The following PARP8 variants were observed in gnomAD, a reference collection of about 807,000 sequenced individuals.
PARP8 encodes poly(ADP-ribose) polymerase family member 8, also known as protein mono-ADP-ribosyltransferase PARP8.
Under a neutral mutation model 124.1 loss-of-function variants are expected in PARP8, and 51 were observed. The ratio of observed to expected loss-of-function variants is 0.41; its 90% CI spans 0.33 to 0.52. The LOEUF (loss-of-function observed/expected upper bound fraction) is 0.52, where lower values mean the gene tolerates loss of function less well. Ranked by LOEUF, PARP8 falls within the 20% of genes least tolerant of loss-of-function variation. The pLI is 0.21. For synonymous variants in PARP8, 391 were observed against 361.5 expected (o/e 1.08, Z -0.93); for missense variants, 860 against 1,018.9 (o/e 0.84, Z 2.12).
chr5:50,768,791 G>C (rs906037187), intron 7 of PARP8, among the ~76,000 whole-genome samples: 100 of 152,220 alleles, frequency 6.6e-4, no homozygotes, highest in African/African-American at 2.3e-3. Context: ...CTGGGTCGCT[G>C]CATCTGGACA....
intron 2 of PARP8, among the ~76,000 whole-genome samples, chr5:50,683,460 A>C (rs1483685397): frequency 1.3e-5 from 2 of 152,208 alleles, no homozygotes; most frequent in African/African-American, 4.8e-5. Context: ...TGAATTGGGA[A>C]TACAAAGATG....
rs1209802850 is a variant in PARP8 at position 50,844,123 on chromosome 5, T to C, written c.*2055T>C. On this transcript the variant is annotated 3_prime_UTR_variant, in exon 26 of 26. Transcript: ENST00000281631. Reference sequence around the variant, plus strand: ...CTCAAGAAAGACCGTTTAAGGAAAATTGGCATAATACAAACTGTTCCTGTT... The same window carrying C: ...CTCAAGAAAGACCGTTTAAGGAAAACTGGCATAATACAAACTGTTCCTGTT... 2 of 151,798 alleles carry C rather than the reference T, an allele frequency of 1.3e-5. 1 individual carries two copies. The highest frequency in any genetic ancestry group is 4.8e-5 in the African/African-American group (2 of 41,380). The allele number at this position is 151,798 out of a possible 1,614,324, so 9.4% of individuals were successfully genotyped here.
chr5:50,730,191 C>T (rs994341361), intron 2 of PARP8, among the ~76,000 whole-genome samples: 5 of 152,186 alleles, frequency 3.3e-5, no homozygotes, highest in Non-Finnish European at 5.9e-5. Context: ...TTGGTTTTGT[C>T]TAAATTTTGT....
intron 2 of PARP8, among the ~76,000 whole-genome samples, chr5:50,714,473 G>T (rs914944732): frequency 6.6e-5 from 10 of 151,918 alleles, no homozygotes; most frequent in Non-Finnish European, 1.0e-4. Context: ...TGTTACATAG[G>T]TATACATGTG....
intron 12 of PARP8, among the ~76,000 whole-genome samples, chr5:50,796,010 A>AATAATTTAAG (rs1319401726): frequency 2.0e-5 from 3 of 152,230 alleles, no homozygotes; most frequent in African/African-American, 7.2e-5. Context: ...AGATGACTTC[A>AATAATTTAAG]ATAATTTAAG....
chr5:50,813,109 G>GT (rs1473292983), intron 14 of PARP8, among the ~76,000 whole-genome samples: 1 of 152,166 alleles, frequency 6.6e-6, no homozygotes, highest in Non-Finnish European at 1.5e-5. Flanking sequence ...CTTTAAAGTA[G>GT]TTTTTTCCAA....
intron 7 of PARP8, among the ~76,000 whole-genome samples, chr5:50,766,090 T>C (rs1761032019): frequency 6.6e-6 from 1 of 152,244 alleles, no homozygotes; most frequent in South Asian, 2.1e-4. Flanking sequence ...CCTGAGATTA[T>C]TGAGGCAAAA....
At chr5:50,725,077 G>GTATATA (rs141434751) in intron 2 of PARP8, among the ~76,000 whole-genome samples, 2 of 148,228 alleles carry the variant, frequency 1.3e-5, no homozygotes, top group African/African-American at 5.0e-5. Flanking sequence ...GTGTGTATGT[G>GTATATA]TATATATATA....
chr5:50,687,063 T>C (rs1270070228), intron 2 of PARP8, among the ~76,000 whole-genome samples: 2 of 152,222 alleles, frequency 1.3e-5, no homozygotes, highest in Admixed American at 1.3e-4. Context: ...AAATGGGTTT[T>C]TCTTTTCTAT....
At chr5:50,754,870 G>A (rs1388709128) in intron 3 of PARP8, among the ~76,000 whole-genome samples, 11 of 152,144 alleles carry the variant, frequency 7.2e-5, no homozygotes, top group South Asian at 2.1e-4. Context: ...TTTAATGATC[G>A]CCATTCTAAG....
chr5:50,757,341 GC>G (rs1247231751), intron 3 of PARP8: 17 of 317,982 alleles, frequency 5.3e-5, no homozygotes, highest in Non-Finnish European at 1.3e-5. Flanking sequence ...AGAACAGAGT[GC>G]TTTGAATTCA....
chr5:50,679,236 G>GTC (rs1238635556), intron 2 of PARP8, among the ~76,000 whole-genome samples: 1 of 152,038 alleles, frequency 6.6e-6, no homozygotes, highest in African/African-American at 2.4e-5. Flanking sequence ...CAAAGTCCAA[G>GTC]TCTAAACCTT....
chr5:50,720,920 C>T (rs1419239690), intron 2 of PARP8, among the ~76,000 whole-genome samples: 1 of 151,868 alleles, frequency 6.6e-6, no homozygotes, highest in Non-Finnish European at 1.5e-5. Context: ...GAGCAGAACA[C>T]AACTTAGATA....
At chr5:50,704,046 T>C (rs1753872834) in intron 2 of PARP8, among the ~76,000 whole-genome samples, 1 of 152,190 alleles carries the variant, frequency 6.6e-6, no homozygotes, top group African/African-American at 2.4e-5. Flanking sequence ...TGACATGTAT[T>C]TAACATTTGT....
intron 3 of PARP8, among the ~76,000 whole-genome samples, chr5:50,755,592 T>G (rs140636204): frequency 0.043 from 6,591 of 152,256 alleles, 455 homozygotes; most frequent in African/African-American, 0.15. Flanking sequence ...AGCCTTATAG[T>G]ATAGTTTGAA....
At chr5:50,824,844 C>T (rs573429657) in intron 17 of PARP8, 64 bp from the exon 18 acceptor site, 3 of 1,413,270 alleles carry the variant, frequency 2.1e-6, no homozygotes, top group East Asian at 2.3e-5. Flanking sequence ...TCTGATTTTC[C>T]TTTTGTGAAA....
At chr5:50,675,996 A>G (rs1167925625) in intron 2 of PARP8, among the ~76,000 whole-genome samples, 2 of 152,232 alleles carry the variant, frequency 1.3e-5, no homozygotes, top group Non-Finnish European at 2.9e-5. Context: ...CTGTTTAATT[A>G]GATATTAGAT....
At chr5:50,801,117 T>C (rs1299096714) in intron 14 of PARP8, among the ~76,000 whole-genome samples, 1 of 151,960 alleles carries the variant, frequency 6.6e-6, no homozygotes, top group Non-Finnish European at 1.5e-5. Flanking sequence ...CCAAATTATA[T>C]ATATATATAT....
rs145957092 is a variant in PARP8, at chr5:50,746,108, A to G, written c.147-4043A>G. 3.2e-3 allele frequency among the ~76,000 whole-genome samples: 494 copies of G among 152,276 alleles called. 1 individual carries two copies. Among genetic ancestry groups the G allele is most frequent in the Non-Finnish European group, 5.2e-3 (351 of 68,022 alleles). ...CTTAATCTGATCTCTCTTTTCTTCA[A>G]TCTATCCTAAATATTAGCTATCAGA... On this transcript the variant is annotated intron_variant, in intron 2 of 25. Transcript: ENST00000281631.
Sources: gnomAD v4.1 joint callset for allele counts (sites outside exome capture counted in the v4.1 genomes callset) on GRCh38, gnomAD v4.1.1 for gene constraint, MANE v1.5 for transcripts, NCBI Gene and HGNC (gene_info 2026-07-23, HGNC 2026-07-21) for gene names.